PIK3CA: variants seen among roughly 807,000 people sequenced by gnomAD.
The protein encoded by PIK3CA is phosphatidylinositol-4,5-bisphosphate 3-kinase catalytic subunit alpha.
In PIK3CA, 27 loss-of-function variants were observed where a neutral mutation model predicts 138.2. That is an observed-to-expected ratio of 0.20 (90% CI 0.14 to 0.27). The LOEUF (loss-of-function observed/expected upper bound fraction) is 0.27, where lower values mean the gene tolerates loss of function less well. PIK3CA is among the 10% of genes least tolerant of loss of function. The pLI is 1.00. For missense variants in PIK3CA, 544 were observed against 1,277.4 expected (o/e 0.43, Z 8.75); for synonymous variants, 358 against 413.2 (o/e 0.87, Z 1.62).
upstream of PIK3CA, chr3:179,148,129 G>C (rs530396905): frequency 6.6e-6 from 1 of 152,368 alleles, no homozygotes; most frequent in South Asian, 2.1e-4. Flanking sequence ...GGGGATTGTA[G>C]GCTCTGCCCC....
chr3:179,203,717 T>C lies in PIK3CA; in HGVS notation c.987T>C (p.Val329=). ...AAACATCTACAAAATCCCTTTGGGT[T>C]ATAAATAGTGCACTCAGAATAAAAA... is the stretch of plus-strand genomic sequence containing the variant. The part of the protein sequence containing the change: ...NGETSTKSLW[V]INSALRIKIL... Residue 329 remains valine, a synonymous_variant, in exon 5 of 21, where the codon GTT becomes GTC. Coordinates refer to ENST00000263967, the MANE Select transcript of PIK3CA (RefSeq NM_006218.4). 6.2e-7 allele frequency: 1 copy of C among 1,613,074 alleles called. No homozygotes were observed. The highest frequency in any genetic ancestry group is 8.5e-7 in the Non-Finnish European group (1 of 1,179,362).
At chr3:179,182,137 G>A (rs1436246589) in intron 1 of PIK3CA, among the ~76,000 whole-genome samples, 1 of 152,006 alleles carries the variant, frequency 6.6e-6, no homozygotes, top group African/African-American at 2.4e-5. Context: ...GTCTTCCTCT[G>A]TGCCTTTATT....
chr3:179,155,135 T>C (rs936204126), intron 1 of PIK3CA, among the ~76,000 whole-genome samples: 3 of 152,132 alleles, frequency 2.0e-5, no homozygotes, highest in Non-Finnish European at 1.5e-5. Flanking sequence ...TAGCAAGGCT[T>C]AGTGGACGAA....
In PIK3CA at chr3:179,239,170, CCTCA is replaced by C. The variant is rs1281534348; in HGVS notation, c.*4807_*4810del. ...TTTTCTACCAACAGTATACTCCATTCCTCATGTAGGTAAGTACAGAAAAGGTTTT... is the reference window on the plus strand; with the variant it reads ...TTTTCTACCAACAGTATACTCCATTCTGTAGGTAAGTACAGAAAAGGTTTT... On this transcript the variant is annotated 3_prime_UTR_variant, in exon 21 of 21. Coordinates refer to ENST00000263967, the MANE Select transcript of PIK3CA (RefSeq NM_006218.4). 4.8e-6 allele frequency: 1 copy of C among 210,018 alleles called. No individual in the cohort carries two copies. The highest frequency in any genetic ancestry group is 9.7e-6 in the Non-Finnish European group (1 of 103,418). The allele number at this position is 210,018 out of a possible 1,614,324, so 13.0% of individuals were successfully genotyped here. A position where few individuals can be genotyped will look rare whatever the true frequency, so the allele number is the denominator to read the frequency against.
At chr3:179,215,666 TAGA>T (rs1724820390) in intron 9 of PIK3CA, among the ~76,000 whole-genome samples, 1 of 152,182 alleles carries the variant, frequency 6.6e-6, no homozygotes, top group Non-Finnish European at 1.5e-5. Context: ...TCCAGAAGTA[TAGA>T]AGAAGTCTGC....
Position 179,199,799 on chromosome 3 carries a change from G to A in PIK3CA, c.462G>A (p.Arg154=), listed in dbSNP as rs777550103. Reference sequence around the variant, plus strand: ...TTTGTAAAGAAGCTGTGGATCTTAGGGACCTCAATTCACCTCATAGTAGAG... The same window carrying A: ...TTTGTAAAGAAGCTGTGGATCTTAGAGACCTCAATTCACCTCATAGTAGAG... ...LNVCKEAVDL[R]DLNSPHSRAM... The change falls in exon 3 of 21, where the codon AGG becomes AGA. Residue 154 remains arginine (R), a synonymous_variant. Transcript: ENST00000263967. 1.9e-6 allele frequency: 3 copies of A among 1,612,272 alleles called. No individual in the cohort carries two copies. The African/African-American group carries it at 4.0e-5, about 22-fold the overall frequency.
intron 1 of PIK3CA, among the ~76,000 whole-genome samples, chr3:179,185,694 T>G (rs926205675): frequency 6.6e-6 from 1 of 152,184 alleles, no homozygotes; most frequent in Non-Finnish European, 1.5e-5. Flanking sequence ...TGGGTTTGAT[T>G]AATTTGATAG....
intron 1 of PIK3CA, among the ~76,000 whole-genome samples, chr3:179,186,820 T>C (rs529706591): frequency 6.6e-6 from 1 of 152,328 alleles, no homozygotes; most frequent in South Asian, 2.1e-4. Flanking sequence ...GCATTTCCTT[T>C]ATATTAGACC....
chr3:179,183,286 C>T (rs1237336762), intron 1 of PIK3CA, among the ~76,000 whole-genome samples: 1 of 152,072 alleles, frequency 6.6e-6, no homozygotes, highest in East Asian at 1.9e-4. Flanking sequence ...ATTGTTTGGT[C>T]TTTATCATGG....
chr3:179,171,633 A>C (rs551091395), intron 1 of PIK3CA, among the ~76,000 whole-genome samples: 5 of 152,294 alleles, frequency 3.3e-5, no homozygotes, highest in South Asian at 2.1e-4. Context: ...CAATTTGGCA[A>C]CTTAGATGAA....
Position 179,173,404 on chromosome 3 carries a change from C to CAAA in PIK3CA, c.-77+24823_-77+24825dup, listed in dbSNP as rs749831764. On this transcript the variant is annotated intron_variant, in intron 1 of 20. Transcript: ENST00000263967. Reference sequence around the variant, plus strand: ...TGAAACCCCGTCTCTGCTAAAAATACAAAAAAAAAAAAAAAAAAAAAAAAC... The same window carrying CAAA: ...TGAAACCCCGTCTCTGCTAAAAATACAAAAAAAAAAAAAAAAAAAAAAAAAAAC... Among the ~76,000 whole-genome samples the CAAA allele has an allele frequency of 4.0e-3, 171 of 43,106 alleles. 1 individual carries two copies. Among genetic ancestry groups the CAAA allele is most frequent in the African/African-American group, 7.0e-3 (88 of 12,606 alleles). The allele number at this position is 43,106 out of a possible 152,430, so 28.3% of individuals were successfully genotyped here.
chr3:179,199,440 A>T (rs1275289801), intron 2 of PIK3CA, among the ~76,000 whole-genome samples: 1 of 152,068 alleles, frequency 6.6e-6, no homozygotes, highest in Non-Finnish European at 1.5e-5. Context: ...ATTCTTTTAA[A>T]AATGATTGAT....
intron 1 of PIK3CA, among the ~76,000 whole-genome samples, chr3:179,171,028 A>G (rs1375157393): frequency 6.6e-6 from 1 of 152,198 alleles, no homozygotes; most frequent in African/African-American, 2.4e-5. Flanking sequence ...GCCAGGGTGA[A>G]TAGTATACTG....
intron 4 of PIK3CA, among the ~76,000 whole-genome samples, chr3:179,202,545 G>A (rs1418854275): frequency 6.6e-6 from 1 of 152,086 alleles, no homozygotes; most frequent in Non-Finnish European, 1.5e-5. Context: ...AGCATATGTC[G>A]AGTACTAATT....
At chr3:179,206,086 CTTTTTTTTTTT>C (rs751353057) in intron 6 of PIK3CA, among the ~76,000 whole-genome samples, 1 of 105,172 alleles carries the variant, frequency 9.5e-6, no homozygotes, top group Non-Finnish European at 1.9e-5. Flanking sequence ...ACTTCAGGAT[CTTTTTTTTTTT>C]TTTTTTTTTT....
chr3:179,164,920 C>G (rs1399366750), intron 1 of PIK3CA, among the ~76,000 whole-genome samples: 1 of 151,956 alleles, frequency 6.6e-6, no homozygotes, highest in African/African-American at 2.4e-5. Context: ...TTGATTCTAT[C>G]CCTTTTGACC....
At position 179,177,019 on chromosome 3, in the gene PIK3CA, T is replaced by C. The variant is rs537398140; in HGVS notation, c.-76-21731T>C. 3.3e-5 allele frequency among the ~76,000 whole-genome samples: 5 copies of C among 152,330 alleles called. No homozygotes were observed. The East Asian group carries it at 9.6e-4, about 29-fold the overall frequency. On this transcript the variant is annotated intron_variant, in intron 1 of 20. Transcript: ENST00000263967. ...TAAAAATGGGGATACATTTTTGTTT[T>C]TATTTGCATTTTTAAATATTTTCTT...
In PIK3CA at chr3:179,219,144, C is replaced by A. The variant is rs534744018; in HGVS notation, c.1665-52C>A. The A allele has an allele frequency of 2.7e-6, 3 of 1,122,066 alleles. No homozygotes were observed. Among genetic ancestry groups the A allele is most frequent in the South Asian group, 2.6e-5 (2 of 76,130 alleles). The allele number at this position is 1,122,066 out of a possible 1,614,324, so 69.5% of individuals were successfully genotyped here. On this transcript the variant is annotated intron_variant, in intron 10 of 20. Coordinates refer to ENST00000263967, the MANE Select transcript of PIK3CA (RefSeq NM_006218.4). This position sits in a 1 kb window ranked among gnomAD's most constrained non-coding sequence, Gnocchi z 4.2. ...ATATGGAGAAGTTAGACATGTCAACCTTTTGAACAGCATGCAAGAATGTTT... is the reference window on the plus strand; with the variant it reads ...ATATGGAGAAGTTAGACATGTCAACATTTTGAACAGCATGCAAGAATGTTT...
chr3:179,160,480 A>C (rs1576913624), intron 1 of PIK3CA, among the ~76,000 whole-genome samples: 1 of 152,178 alleles, frequency 6.6e-6, no homozygotes, highest in Non-Finnish European at 1.5e-5. Context: ...GTAGTGCCCA[A>C]CCAAAGAAAC....
Sources: allele counts gnomAD v4.1 joint callset (sites outside exome capture counted in the v4.1 genomes callset), GRCh38; gene constraint gnomAD v4.1.1; non-coding constraint Gnocchi (gnomAD v3.1); transcripts MANE v1.5; gene names NCBI Gene and HGNC (gene_info 2026-07-23, HGNC 2026-07-21).